HVCN1: variants seen among roughly 807,000 people sequenced by gnomAD.
The protein encoded by HVCN1 is voltage-gated hydrogen channel 1.
A neutral mutation model predicts 29.2 loss-of-function variants in HVCN1; 14 were observed. The ratio of observed to expected loss-of-function variants is 0.48; its 90% CI spans 0.32 to 0.75. The LOEUF (loss-of-function observed/expected upper bound fraction) is 0.75. Among genes scored for constraint, HVCN1 ranks in the 30% least tolerant of loss-of-function variants. The pLI is 0.04. For missense variants in HVCN1, 263 were observed against 341.8 expected, an observed-to-expected ratio of 0.77 and a Z score of 1.82; for synonymous variants, 131 against 133.2, an observed-to-expected ratio of 0.98 and a Z score of 0.11.
intron 3 of HVCN1, among the ~76,000 whole-genome samples, chr12:110,666,421 TAAAAA>T (rs1477948222): frequency 6.2e-5 from 9 of 146,274 alleles, no homozygotes; most frequent in African/African-American, 1.6e-4. Context: ...AGACTCCGCC[TAAAAA>T]GAAAAGAAAA....
chr12:110,695,124 G>A (rs2069469209), intron 2 of HVCN1, among the ~76,000 whole-genome samples: 1 of 152,116 alleles, frequency 6.6e-6, no homozygotes, highest in Non-Finnish European at 1.5e-5. Flanking sequence ...GCATTGAAAA[G>A]GGGGCTGGGT....
At position 110,649,122 on chromosome 12, in the gene HVCN1, A is replaced by C. The variant is rs969034689; in HGVS notation, c.*288T>G. The C allele has an allele frequency of 3.0e-6, 2 of 661,912 alleles. No individual in the cohort carries two copies. Among genetic ancestry groups the C allele is most frequent in the Non-Finnish European group, 5.5e-6 (2 of 361,072 alleles). The allele number at this position is 661,912 out of a possible 1,614,324, so 41.0% of individuals were successfully genotyped here. A position where few individuals can be genotyped will look rare whatever the true frequency, so the allele number is the denominator to read the frequency against. Reference sequence around the variant, plus strand: ...TTCGGTGAGATTAAATTTTATATACAACTAGCAATTGTCCAGCTTTGTTGC... The same window carrying C: ...TTCGGTGAGATTAAATTTTATATACCACTAGCAATTGTCCAGCTTTGTTGC... On this transcript the variant is annotated 3_prime_UTR_variant, in exon 8 of 8. Coordinates refer to ENST00000242607, the MANE Select transcript of HVCN1 (RefSeq NM_032369.4).
At chr12:110,655,708 T>G (rs2067966751) in intron 4 of HVCN1, among the ~76,000 whole-genome samples, 1 of 151,184 alleles carries the variant, frequency 6.6e-6, no homozygotes, top group Non-Finnish European at 1.5e-5. Context: ...ATAATCAGTT[T>G]TTTTTTTTTT....
chr12:110,657,608 A>G (rs923757063), intron 4 of HVCN1, among the ~76,000 whole-genome samples: 3 of 152,252 alleles, frequency 2.0e-5, no homozygotes, highest in African/African-American at 7.2e-5. Context: ...TTACTTAAAA[A>G]TGATTGTTAT....
At chr12:110,695,842 G>A (rs1486351511) in intron 2 of HVCN1, among the ~76,000 whole-genome samples, 1 of 152,186 alleles carries the variant, frequency 6.6e-6, no homozygotes, top group African/African-American at 2.4e-5. Context: ...AGGGTGAAGA[G>A]AGTCATAAGA....
chr12:110,696,273 C>G (rs900955719), intron 2 of HVCN1, among the ~76,000 whole-genome samples: 1 of 151,946 alleles, frequency 6.6e-6, no homozygotes, highest in Non-Finnish European at 1.5e-5. Context: ...TGATTTTTTA[C>G]AAAAAATGTA....
At chr12:110,670,240 A>G (rs2068527511) in intron 3 of HVCN1, among the ~76,000 whole-genome samples, 1 of 152,140 alleles carries the variant, frequency 6.6e-6, no homozygotes, top group African/African-American at 2.4e-5. Flanking sequence ...AGAAGCCGCC[A>G]TCTGTGGGAG....
intron 2 of HVCN1, among the ~76,000 whole-genome samples, chr12:110,697,052 A>G (rs912881985): frequency 2.0e-5 from 3 of 151,884 alleles, no homozygotes; most frequent in African/African-American, 7.3e-5. Context: ...AGGGGAGAGG[A>G]AGGGGCAGAG....
intron 6 of HVCN1, among the ~76,000 whole-genome samples, chr12:110,650,790 C>A (rs2067776622): frequency 6.6e-6 from 1 of 150,852 alleles, no homozygotes; most frequent in South Asian, 2.1e-4. Flanking sequence ...AAATCCTGGG[C>A]TCAAGCAATC....
In HVCN1 at chr12:110,676,243, C is replaced by A. The variant is rs770995952; in HGVS notation, c.21+6982G>T. 1.3e-5 allele frequency among the ~76,000 whole-genome samples: 2 copies of A among 152,242 alleles called. No individual in the cohort carries two copies. The highest frequency in any genetic ancestry group is 6.5e-5 in the Admixed American group (1 of 15,286). ...CCTCTGCCACTGCCCTGGCCAACCC[C>A]CTGCCTCACTTGGAGGCTGTCGCAG... On this transcript the variant is annotated intron_variant, in intron 3 of 7. Coordinates refer to ENST00000242607, the MANE Select transcript of HVCN1 (RefSeq NM_032369.4). This position sits in a 1 kb window ranked among gnomAD's most constrained non-coding sequence, Gnocchi z 4.1.
intron 3 of HVCN1, chr12:110,682,930 C>T (rs998435781): frequency 5.9e-6 from 2 of 337,498 alleles, no homozygotes; most frequent in Non-Finnish European, 1.1e-5. Flanking sequence ...CACCATTGCA[C>T]TCCAGCCTGG....
At position 110,658,938 on chromosome 12, in the gene HVCN1, G is replaced by T. The variant is rs2068074506; in HGVS notation, c.306+2226C>A. ...CTCAGGGGCCAGTCCCCAGCCCTAA[G>T]CCCAGGCAGGAGGGGGATATCCTGA... On this transcript the variant is annotated intron_variant, in intron 4 of 7. Transcript: ENST00000242607. The surrounding 1 kb of genome is among the most constrained non-coding windows in gnomAD (Gnocchi z 5.0). Among the ~76,000 whole-genome samples, 1 of 152,212 alleles carries T rather than the reference G, an allele frequency of 6.6e-6. No individual in the cohort carries two copies. The highest frequency in any genetic ancestry group is 6.5e-5 in the Admixed American group (1 of 15,286).
chr12:110,678,341 C>T (rs1031038513), intron 3 of HVCN1, among the ~76,000 whole-genome samples: 2 of 151,812 alleles, frequency 1.3e-5, no homozygotes, highest in African/African-American at 4.8e-5. Context: ...ACATTTCATA[C>T]CCTGCATCTC....
upstream of HVCN1, among the ~76,000 whole-genome samples, chr12:110,692,905 G>T (rs1200861774): frequency 6.6e-6 from 1 of 152,122 alleles, no homozygotes; most frequent in African/African-American, 2.4e-5. Flanking sequence ...TCACTTTGTT[G>T]CTCAGGCTGG....
intron 2 of HVCN1, among the ~76,000 whole-genome samples, chr12:110,701,441 G>C (rs990864025): frequency 3.9e-5 from 6 of 152,196 alleles, no homozygotes; most frequent in Non-Finnish European, 8.8e-5. Context: ...TGAGGCCCAG[G>C]ACTCTGCATT....
chr12:110,691,702 G>A (rs2069409123), upstream of HVCN1, among the ~76,000 whole-genome samples: 1 of 152,168 alleles, frequency 6.6e-6, no homozygotes, highest in East Asian at 1.9e-4. Context: ...GTGCAGACAG[G>A]TGGTGACCTC....
chr12:110,697,163 A>T (rs182865021), intron 2 of HVCN1, among the ~76,000 whole-genome samples: 1 of 152,122 alleles, frequency 6.6e-6, no homozygotes, highest in East Asian at 1.9e-4. Flanking sequence ...TTGAATTGTC[A>T]AAGTGGAGGT....
Position 110,651,228 on chromosome 12 carries a change from C to CG in HVCN1, c.631dup (p.Arg211ProfsTer11). 1.2e-6 allele frequency: 2 copies of CG among 1,612,984 alleles called. No homozygotes were observed. Among genetic ancestry groups the CG allele is most frequent in the Non-Finnish European group, 1.7e-6 (2 of 1,179,112 alleles). ...TGCAGGAGACGTACCATTGATGATC[C>CG]GGGCCACCCGCCACAGCCGGAGCAG... is the stretch of plus-strand genomic sequence containing the variant. On this transcript the variant is annotated frameshift_variant, in exon 6 of 8. Coordinates refer to ENST00000242607, the MANE Select transcript of HVCN1 (RefSeq NM_032369.4). LOFTEE classifies it high-confidence loss of function.
intron 3 of HVCN1, among the ~76,000 whole-genome samples, chr12:110,664,943 G>C (rs1440485057): frequency 6.6e-6 from 1 of 152,166 alleles, no homozygotes; most frequent in East Asian, 1.9e-4. Flanking sequence ...CCAACAGCCA[G>C]AGTAGAGAGA....
Sources: allele counts gnomAD v4.1 joint callset (sites outside exome capture counted in the v4.1 genomes callset), GRCh38; gene constraint gnomAD v4.1.1; non-coding constraint Gnocchi (gnomAD v3.1); transcripts MANE v1.5; gene names NCBI Gene and HGNC (gene_info 2026-07-23, HGNC 2026-07-21).